Variants in TTLL11 observed in about 807,000 individuals in gnomAD.
TTLL11 encodes the protein tubulin polyglutamylase TTLL11.
Under a neutral mutation model 51.7 loss-of-function variants are expected in TTLL11, and 42 were observed. The observed-to-expected ratio is 0.81, with a 90% CI of 0.64 to 1.05. The LOEUF is 1.05. TTLL11 is among the 50% of genes least tolerant of loss of function. The probability of loss-of-function intolerance (pLI) is 0.00; values close to 1 mark genes in which losing one functional copy is unlikely to be tolerated. For missense variants in TTLL11, 799 were observed against 940.4 expected (o/e 0.85, Z 1.97); for synonymous variants, 381 against 383.5 (o/e 0.99, Z 0.08).
intron 6 of TTLL11, among the ~76,000 whole-genome samples, chr9:121,935,120 A>ATTTT (rs34653983): frequency 0.013 from 1,974 of 147,874 alleles, 24 homozygotes; most frequent in Middle Eastern, 0.028. Flanking sequence ...ATGCCCGGCT[A>ATTTT]TTTTTTTTTT....
At chr9:122,070,039 A>G (rs978203418) in intron 1 of TTLL11, among the ~76,000 whole-genome samples, 1 of 151,930 alleles carries the variant, frequency 6.6e-6, no homozygotes, top group African/African-American at 2.4e-5. Context: ...ACACCAGAAC[A>G]CTATCTCTGT....
intron 6 of TTLL11, among the ~76,000 whole-genome samples, chr9:121,888,014 AC>A (rs1839078540): frequency 6.6e-6 from 1 of 151,684 alleles, no homozygotes; most frequent in Non-Finnish European, 1.5e-5. Flanking sequence ...CCACTCTTAA[AC>A]CCTCTTTGCT....
intron 6 of TTLL11, among the ~76,000 whole-genome samples, chr9:121,880,649 A>G (rs902077548): frequency 6.6e-6 from 1 of 152,214 alleles, no homozygotes; most frequent in Non-Finnish European, 1.5e-5. Flanking sequence ...TTCTAGACGG[A>G]AAGTTCCCAG....
intron 6 of TTLL11, among the ~76,000 whole-genome samples, chr9:121,911,746 C>G (rs966284671): frequency 6.6e-6 from 1 of 151,902 alleles, no homozygotes; most frequent in Admixed American, 6.6e-5. Context: ...AACACATGGA[C>G]ACGGAGGGGA....
At chr9:121,960,014 A>G (rs1842166985) in intron 6 of TTLL11, among the ~76,000 whole-genome samples, 1 of 152,156 alleles carries the variant, frequency 6.6e-6, no homozygotes, top group East Asian at 1.9e-4. Flanking sequence ...GTTAAGAAAT[A>G]GAACATAGCC....
intron 2 of TTLL11, among the ~76,000 whole-genome samples, chr9:122,035,312 T>TA (rs1315378630): frequency 3.3e-5 from 5 of 152,196 alleles, no homozygotes; most frequent in African/African-American, 1.2e-4. Context: ...GCAGTTCCCC[T>TA]ATCGATTGGG....
At chr9:121,865,825 A>C (rs1838158593) in intron 7 of TTLL11, among the ~76,000 whole-genome samples, 1 of 152,244 alleles carries the variant, frequency 6.6e-6, no homozygotes, top group South Asian at 2.1e-4. Flanking sequence ...GAGAGAGTTA[A>C]GTCTAGACGA....
At chr9:121,883,830 G>T (rs1004190215) in intron 6 of TTLL11, among the ~76,000 whole-genome samples, 8 of 152,158 alleles carry the variant, frequency 5.3e-5, no homozygotes, top group African/African-American at 1.9e-4. Context: ...AAGTTCAAGC[G>T]CAAGGTTAAG....
intron 8 of TTLL11, among the ~76,000 whole-genome samples, chr9:121,843,972 G>A (rs77916640): frequency 2.0e-5 from 3 of 152,160 alleles, no homozygotes; most frequent in African/African-American, 7.2e-5. Flanking sequence ...ATCACACCCA[G>A]CCAGAAACTA....
Position 121,895,723 on chromosome 9 carries a change from G to C in TTLL11, c.1482-24975C>G, listed in dbSNP as rs201015917. Among the ~76,000 whole-genome samples, 584 of 96,680 alleles carry C rather than the reference G, an allele frequency of 6.0e-3. 34 individuals are homozygous for C. The highest frequency in any genetic ancestry group is 0.012 in the South Asian group (35 of 3,010). The allele number at this position is 96,680 out of a possible 152,430, so 63.4% of individuals were successfully genotyped here. ...TGTGTGGGTTTGTGTGACTGTGTGT[G>C]ATTGTATCTGTGTGCGTCCGTGTGG... On this transcript the variant is annotated intron_variant, in intron 6 of 8. Transcript: ENST00000321582.
At chr9:121,855,444 T>A (rs549361419) in intron 8 of TTLL11, among the ~76,000 whole-genome samples, 2 of 152,348 alleles carry the variant, frequency 1.3e-5, no homozygotes, top group Non-Finnish European at 2.9e-5. Flanking sequence ...TCCATTTCAA[T>A]AGCAAGGTCT....
In TTLL11 at chr9:122,040,447, G is replaced by C. The variant is rs1235990891; in HGVS notation, c.463-1079C>G. ...GTTATCAACAAGCTCTGCATTTAAT[G>C]AACATATTTTTTAAATCTGTAACTC... On this transcript the variant is annotated intron_variant, in intron 1 of 8. Transcript: ENST00000321582. The C allele has an allele frequency of 3.1e-6, 3 of 980,540 alleles. No individual in the cohort carries two copies. In the African/African-American group the frequency reaches 5.3e-5, roughly 17 times the overall value. The allele number at this position is 980,540 out of a possible 1,614,324, so 60.7% of individuals were successfully genotyped here. A position where few individuals can be genotyped will look rare whatever the true frequency, so the allele number is the denominator to read the frequency against.
chr9:121,926,453 T>C (rs2416839), intron 6 of TTLL11, among the ~76,000 whole-genome samples: 150,560 of 152,350 alleles, frequency 0.99, 74,425 homozygotes, highest in Middle Eastern at 1. Context: ...TCATTAATCC[T>C]TTTCATTCTC....
chr9:121,836,073 G>T (rs1837171365), intron 8 of TTLL11, among the ~76,000 whole-genome samples: 1 of 152,188 alleles, frequency 6.6e-6, no homozygotes, highest in Admixed American at 6.5e-5. Context: ...CAGGCACTGT[G>T]GTGAGTACTT....
chr9:121,998,713 GC>G (rs1246933380), intron 3 of TTLL11, among the ~76,000 whole-genome samples: 2 of 152,092 alleles, frequency 1.3e-5, no homozygotes, highest in African/African-American at 4.8e-5. Context: ...TTGAGCAATT[GC>G]AGTATTGATC....
rs1011923121 is a variant in TTLL11 at position 122,093,112 on chromosome 9, G to A, written c.37C>T (p.Arg13Trp). The change falls in exon 1 of 9, where the codon CGG becomes TGG. Residue 13 changes from arginine (R) to tryptophan (W), a missense_variant. Coordinates refer to ENST00000321582, the MANE Select transcript of TTLL11 (RefSeq NM_001139442.2). ...RGSSESELAA[R>W]WEAEAVAAAK... The stretch of plus-strand genomic sequence containing the variant: ...GCAGCCACCGCCTCCGCCTCCCACC[G>A]GGCCGCCAGCTCGCTCTCGGAGCTG... The A allele has an allele frequency of 9.9e-5, 148 of 1,496,430 alleles. No homozygotes were observed. Among genetic ancestry groups the A allele is most frequent in the Non-Finnish European group, 1.3e-4 (146 of 1,130,018 alleles). 92.7% of individuals were successfully genotyped at this position (1,496,430 alleles called of 1,614,324 possible). A position where few individuals can be genotyped will look rare whatever the true frequency, so the allele number is the denominator to read the frequency against.
At chr9:121,993,563 G>A (rs1444538683) in intron 3 of TTLL11, among the ~76,000 whole-genome samples, 3 of 152,216 alleles carry the variant, frequency 2.0e-5, no homozygotes, top group Admixed American at 6.5e-5. Context: ...CACCACAGTC[G>A]AAGGCTGCGT....
At chr9:122,043,813 T>C (rs1844916000) in intron 1 of TTLL11, among the ~76,000 whole-genome samples, 1 of 152,106 alleles carries the variant, frequency 6.6e-6, no homozygotes. Context: ...ATATATTTGA[T>C]AATAGATCAA....
rs1588044312 is a variant in TTLL11 at position 121,818,096 on chromosome 9, C to CT, written c.*4490_*4491insA. The CT allele has an allele frequency of 6.6e-6, 1 of 152,320 alleles. No homozygotes were observed. Among genetic ancestry groups the CT allele is most frequent in the East Asian group, 1.9e-4 (1 of 5,204 alleles). 9.4% of individuals were successfully genotyped at this position (152,320 alleles called of 1,614,324 possible). A position where few individuals can be genotyped will look rare whatever the true frequency, so the allele number is the denominator to read the frequency against. ...TCAACAACCCCACACAAACTCAGGG[C>CT]AATGCAGAGTTGAAAGGAGGCTGGC... On this transcript the variant is annotated 3_prime_UTR_variant, in exon 9 of 9. Coordinates refer to ENST00000321582, the MANE Select transcript of TTLL11 (RefSeq NM_001139442.2).
Sources: gnomAD v4.1 joint callset for allele counts (sites outside exome capture counted in the v4.1 genomes callset) on GRCh38, gnomAD v4.1.1 for gene constraint, MANE v1.5 for transcripts, NCBI Gene and HGNC (gene_info 2026-07-23, HGNC 2026-07-21) for gene names.